The following MDM2 variants were observed in gnomAD, a reference collection of about 807,000 sequenced individuals.
The protein encoded by MDM2 is E3 ubiquitin-protein ligase Mdm2.
Under a neutral mutation model 64.3 loss-of-function variants are expected in MDM2, and 11 were observed. The observed-to-expected ratio is 0.17, with a 90% confidence interval of 0.11 to 0.28. MDM2 has a LOEUF of 0.28. MDM2 is among the 10% of genes least tolerant of loss of function. MDM2 has a pLI of 1.00. For missense variants in MDM2, 388 were observed against 577.1 expected (o/e 0.67, Z 3.36); for synonymous variants, 194 against 192.9 (o/e 1.01, Z -0.05).
At chr12:68,836,029 T>C (rs751583857) in intron 9 of MDM2, 45 bp downstream of exon 9, 36 of 1,448,366 alleles carry the variant, frequency 2.5e-5, no homozygotes, top group Non-Finnish European at 3.4e-5. Context: ...AATTATTAAA[T>C]ATTTTCTATG....
chr12:68,812,737 C>G (rs1881016597), intron 2 of MDM2, among the ~76,000 whole-genome samples: 1 of 152,180 alleles, frequency 6.6e-6, no homozygotes, highest in African/African-American at 2.4e-5. Flanking sequence ...GCAAGAGCCA[C>G]CTCTCCCAGC....
At chr12:68,812,662 C>T (rs533496132) in intron 2 of MDM2, among the ~76,000 whole-genome samples, 39 of 152,234 alleles carry the variant, frequency 2.6e-4, no homozygotes, top group Admixed American at 3.3e-4. Flanking sequence ...GTGGCCCAGG[C>T]TGGTCTTGAA....
In MDM2 at chr12:68,836,710, T is replaced by C; in HGVS notation, c.879T>C (p.Asp293=). Residue 293 remains aspartate, a synonymous_variant, in exon 10 of 11, where the codon GAT becomes GAC. Coordinates refer to ENST00000258149, the MANE Select transcript of MDM2 (RefSeq NM_002392.6). The stretch of plus-strand genomic sequence containing the variant: ...CTGTGTATCAGGCAGGGGAGAGTGA[T>C]ACAGATTCATTTGAAGAAGATCCTG... ...QVTVYQAGES[D]TDSFEEDPEI... 6.2e-7 allele frequency: 1 copy of C among 1,612,196 alleles called. No individual in the cohort carries two copies. The highest frequency in any genetic ancestry group is 8.5e-7 in the Non-Finnish European group (1 of 1,178,538).
At chr12:68,809,624 G>A (rs1196334) in intron 2 of MDM2, among the ~76,000 whole-genome samples, 134,026 of 152,190 alleles carry the variant, frequency 0.88, 59,278 homozygotes, top group African/African-American at 0.97. Flanking sequence ...AGTCAAAAAA[G>A]TTATTCGTGC....
intron 3 of MDM2, chr12:68,815,646 T>C (rs1158239106): frequency 4.8e-6 from 2 of 415,654 alleles, no homozygotes; most frequent in Non-Finnish European, 4.8e-6. Context: ...TTTCACTATG[T>C]TGCCCAGGCT....
intron 8 of MDM2, 132 bp from the exon 9 acceptor site, chr12:68,835,697 T>A (rs1883249900): frequency 1.3e-6 from 1 of 798,554 alleles, no homozygotes; most frequent in Non-Finnish European, 1.9e-6. Context: ...AAGTCCCGGA[T>A]CAGAGCAGCA....
rs868314073 is a variant in MDM2 at position 68,808,489 on chromosome 12, C to T, written c.12C>T (p.Ser4=). ...CGCGAAAACCCCGGATGGTGAGGAG[C>T]AGGTACTGGCCCGGCAGCGAGCGGT... MVR[S]RQMCNTNMSV... is the part of the protein sequence containing the mutation. Residue 4 remains serine, a splice_region_variant and synonymous_variant, in exon 1 of 11, where the codon AGC becomes AGT. Coordinates refer to ENST00000258149, the MANE Select transcript of MDM2 (RefSeq NM_002392.6). The T allele has an allele frequency of 6.2e-7, 1 of 1,614,114 alleles. No homozygotes were observed. The highest frequency in any genetic ancestry group is 8.5e-7 in the Non-Finnish European group (1 of 1,180,002).
At chr12:68,836,540 C>T (rs1287409815) in intron 9 of MDM2, 132 bp from the exon 10 acceptor site, 1 of 708,230 alleles carries the variant, frequency 1.4e-6, no homozygotes, top group Non-Finnish European at 2.6e-6. Flanking sequence ...CACTCACTTA[C>T]TCTATTTGAT....
intron 3 of MDM2, among the ~76,000 whole-genome samples, chr12:68,816,590 C>T (rs768460931): frequency 6.6e-6 from 1 of 151,966 alleles, no homozygotes; most frequent in Non-Finnish European, 1.5e-5. Context: ...ATCTCCTGAC[C>T]TCGTGATCCA....
At chr12:68,826,230 TA>T (rs1368349967) in intron 7 of MDM2, among the ~76,000 whole-genome samples, 4 of 152,120 alleles carry the variant, frequency 2.6e-5, no homozygotes, top group Non-Finnish European at 5.9e-5. Context: ...ATCAAATTAG[TA>T]AAAATAAAAT....
At chr12:68,832,837 A>G (rs933123458) in intron 8 of MDM2, among the ~76,000 whole-genome samples, 2 of 151,802 alleles carry the variant, frequency 1.3e-5, no homozygotes, top group Non-Finnish European at 2.9e-5. Flanking sequence ...TTAAATATAT[A>G]GTATTTAGGT....
In MDM2 at chr12:68,842,897, T is replaced by C. The variant is rs1357240231; in HGVS notation, c.*3048T>C. The C allele has an allele frequency of 2.4e-5, 5 of 207,322 alleles. No individual in the cohort carries two copies. The highest frequency in any genetic ancestry group is 3.9e-5 in the Non-Finnish European group (4 of 101,684). The allele number at this position is 207,322 out of a possible 1,614,324, so 12.8% of individuals were successfully genotyped here. Reference sequence around the variant, plus strand: ...GTTATGCTGGACTGTTTTGATCTCTTTTAATTGTTCTGACAGATAGTTGGG... The same window carrying C: ...GTTATGCTGGACTGTTTTGATCTCTCTTAATTGTTCTGACAGATAGTTGGG... On this transcript the variant is annotated 3_prime_UTR_variant, in exon 11 of 11. Coordinates refer to ENST00000258149, the MANE Select transcript of MDM2 (RefSeq NM_002392.6).
In MDM2 at chr12:68,840,502, G is replaced by GT. The variant is rs752761590; in HGVS notation, c.*660dup. The GT allele has an allele frequency of 3.7e-5, 7 of 189,550 alleles. No homozygotes were observed. Among genetic ancestry groups the GT allele is most frequent in the Non-Finnish European group, 6.4e-5 (6 of 93,520 alleles). The allele number at this position is 189,550 out of a possible 1,614,324, so 11.7% of individuals were successfully genotyped here. A position where few individuals can be genotyped will look rare whatever the true frequency, so the allele number is the denominator to read the frequency against. ...AAATGTGTGAAAGATTTAGTTTTTTGTTTTTTTGTTTGTTTGTTTGTTTGT... is the reference window on the plus strand; with the variant it reads ...AAATGTGTGAAAGATTTAGTTTTTTGTTTTTTTTGTTTGTTTGTTTGTTTGT... On this transcript the variant is annotated 3_prime_UTR_variant, in exon 11 of 11. Transcript: ENST00000258149.
intron 2 of MDM2, among the ~76,000 whole-genome samples, chr12:68,812,240 ATATG>A (rs1470179149): frequency 6.6e-6 from 1 of 152,124 alleles, no homozygotes; most frequent in Non-Finnish European, 1.5e-5. Flanking sequence ...ATTCAATTCT[ATATG>A]TATTTTAAAT....
rs1231409033 is a variant in MDM2 at position 68,841,063 on chromosome 12, C to A, written c.*1214C>A. 5.4e-6 allele frequency: 1 copy of A among 183,498 alleles called. No homozygotes were observed. The highest frequency in any genetic ancestry group is 1.2e-5 in the Non-Finnish European group (1 of 86,584). The allele number at this position is 183,498 out of a possible 1,614,324, so 11.4% of individuals were successfully genotyped here. A position where few individuals can be genotyped will look rare whatever the true frequency, so the allele number is the denominator to read the frequency against. On this transcript the variant is annotated 3_prime_UTR_variant, in exon 11 of 11. Coordinates refer to ENST00000258149, the MANE Select transcript of MDM2 (RefSeq NM_002392.6). ...GTTTCACCATGTTAGCCAGGCTGAT[C>A]TTGAACTCCTAAACTCAAGTGATCT...
rs2136177831 is a variant in MDM2 at position 68,839,440 on chromosome 12, G to T, written c.1085G>T (p.Gly362Val). 1 of 1,613,826 alleles carries T rather than the reference G, an allele frequency of 6.2e-7. No individual in the cohort carries two copies. Among genetic ancestry groups the T allele is most frequent in the Non-Finnish European group, 8.5e-7 (1 of 1,180,002 alleles). The part of the protein sequence containing the change: ...KLENSTQAEE[G>V]FDVPDCKKTI... ...GAAAACTCAACACAAGCTGAAGAGG[G>T]CTTTGATGTTCCTGATTGTAAAAAA... Residue 362 changes from glycine (G) to valine (V), a missense_variant, in exon 11 of 11, where the codon GGC (glycine) becomes GTC (valine). Transcript: ENST00000258149.
Position 68,844,726 on chromosome 12 carries a change from T to C in MDM2, c.*4877T>C, listed in dbSNP as rs971447293. 25 of 214,052 alleles carry C rather than the reference T, an allele frequency of 1.2e-4. No individual in the cohort carries two copies. Among genetic ancestry groups the C allele is most frequent in the Admixed American group, 3.5e-4 (6 of 17,102 alleles). The allele number at this position is 214,052 out of a possible 1,614,324, so 13.3% of individuals were successfully genotyped here. A position where few individuals can be genotyped will look rare whatever the true frequency, so the allele number is the denominator to read the frequency against. On this transcript the variant is annotated 3_prime_UTR_variant, in exon 11 of 11. Transcript: ENST00000258149. ...AGACGGGGACTAGCTTTTGGCATTA[T>C]ATAATTAAGATTTTTTAAATCCTTA... is the stretch of plus-strand genomic sequence containing the variant.
chr12:68,836,812 T>C (rs1171437119), intron 10 of MDM2, 63 bp downstream of exon 10: 1 of 968,194 alleles, frequency 1.0e-6, no homozygotes. Flanking sequence ...TAGGAGACTA[T>C]ATCTAGCTTC....
chr12:68,824,411 A>G lies in MDM2; in HGVS notation c.407A>G (p.Glu136Gly). The G allele has an allele frequency of 1.9e-6, 3 of 1,613,796 alleles. No individual in the cohort carries two copies. Among genetic ancestry groups the G allele is most frequent in the Non-Finnish European group, 1.7e-6 (2 of 1,179,794 alleles). Residue 136 changes from glutamate (E) to glycine (G), a missense_variant, in exon 6 of 11, where the codon GAA becomes GGA. Coordinates refer to ENST00000258149, the MANE Select transcript of MDM2 (RefSeq NM_002392.6). ...GTGAGTGAGAACAGGTGTCACCTTGAAGGTGGGAGTGATCAAAAGGTAATC... is the reference window on the plus strand; with the variant it reads ...GTGAGTGAGAACAGGTGTCACCTTGGAGGTGGGAGTGATCAAAAGGTAATC... The part of the protein sequence containing the change: ...TSVSENRCHL[E>G]GGSDQKDLVQ...
Sources: gnomAD v4.1 joint callset for allele counts (sites outside exome capture counted in the v4.1 genomes callset) on GRCh38, gnomAD v4.1.1 for gene constraint, MANE v1.5 for transcripts, NCBI Gene and HGNC (gene_info 2026-07-23, HGNC 2026-07-21) for gene names.